Variants in SAP130 observed in about 807,000 individuals in gnomAD.
SAP130 encodes Sin3A associated protein 130.
In SAP130, 16 loss-of-function variants were observed where a neutral mutation model predicts 103.2. The ratio of observed to expected loss-of-function variants is 0.16; its 90% CI spans 0.10 to 0.24. SAP130 has a LOEUF of 0.24. Ranked by LOEUF, SAP130 falls within the 10% of genes least tolerant of loss-of-function variation. The pLI is 1.00. For synonymous variants in SAP130, 477 were observed against 497.0 expected (o/e 0.96, Z 0.53); for missense variants, 990 against 1,359.7 (o/e 0.73, Z 4.28).
intron 15 of SAP130, among the ~76,000 whole-genome samples, chr2:127,963,803 A>T (rs1337644457): frequency 1.3e-5 from 2 of 152,176 alleles, no homozygotes; most frequent in Admixed American, 1.3e-4. Flanking sequence ...GCCACCATCC[A>T]CGTAAGATGT....
At chr2:127,967,523 C>T (rs573192005) in intron 15 of SAP130, among the ~76,000 whole-genome samples, 6 of 152,258 alleles carry the variant, frequency 3.9e-5, no homozygotes, top group South Asian at 2.1e-4. Context: ...CTTAGCCTCC[C>T]GAGTAGCTGG....
chr2:128,021,655 C>T (rs1327611923), intron 2 of SAP130, among the ~76,000 whole-genome samples: 1 of 152,174 alleles, frequency 6.6e-6, no homozygotes, highest in African/African-American at 2.4e-5. Context: ...TCCTCAGCAA[C>T]ACCAAGGAGC....
At chr2:128,027,287 A>G in intron 1 of SAP130, 2 of 1,156,044 alleles carry the variant, frequency 1.7e-6, no homozygotes, top group Admixed American at 4.8e-5. Flanking sequence ...CTGTGCTCGC[A>G]GTCCTCTTCC....
chr2:127,972,015 G>C (rs1482912537), intron 15 of SAP130, among the ~76,000 whole-genome samples: 1 of 152,324 alleles, frequency 6.6e-6, no homozygotes, highest in East Asian at 1.9e-4. Context: ...GGGTGTGGGA[G>C]TGTGGGGGGT....
chr2:128,022,065 T>C (rs1201415181), intron 2 of SAP130, among the ~76,000 whole-genome samples: 1 of 152,234 alleles, frequency 6.6e-6, no homozygotes, highest in African/African-American at 2.4e-5. Context: ...TACAGATCAT[T>C]TCCTGTTACT....
intron 19 of SAP130, among the ~76,000 whole-genome samples, chr2:127,943,137 CAA>C (rs1678823840): frequency 1.3e-5 from 2 of 152,202 alleles, no homozygotes; most frequent in African/African-American, 4.8e-5. Flanking sequence ...TTCTGAAACA[CAA>C]GTCTCCAAGT....
At chr2:127,951,912 T>C (rs1353262668) in intron 16 of SAP130, among the ~76,000 whole-genome samples, 3 of 152,192 alleles carry the variant, frequency 2.0e-5, no homozygotes, top group Non-Finnish European at 4.4e-5. Context: ...AAAAGATAGA[T>C]GCAATCACAA....
At chr2:127,945,246 G>C (rs909844380) in intron 19 of SAP130, among the ~76,000 whole-genome samples, 1 of 152,168 alleles carries the variant, frequency 6.6e-6, no homozygotes, top group Non-Finnish European at 1.5e-5. Context: ...ATATATTTTG[G>C]ATCTGGATAC....
At position 127,983,312 on chromosome 2, in the gene SAP130, C is replaced by T. The variant is rs548982027; in HGVS notation, c.1958+3473G>A. Among the ~76,000 whole-genome samples the T allele has an allele frequency of 1.2e-4, 19 of 152,326 alleles. No individual in the cohort carries two copies. The South Asian group carries it at 3.5e-3, about 28-fold the overall frequency. ...TAATTTGAATTTTATAATGGATACTCGATCCAGTTACTGAGAAACTTTTTA... is the reference window on the plus strand; with the variant it reads ...TAATTTGAATTTTATAATGGATACTTGATCCAGTTACTGAGAAACTTTTTA... On this transcript the variant is annotated intron_variant, in intron 14 of 20. Coordinates refer to ENST00000643581, the MANE Select transcript of SAP130 (RefSeq NM_001330301.2).
chr2:127,945,412 C>T lies in SAP130; in HGVS notation c.2901+44G>A, dbSNP rs148539047. 3,578 of 1,174,536 alleles carry T rather than the reference C, an allele frequency of 3.0e-3. 8 individuals carry two copies. Among genetic ancestry groups the T allele is most frequent in the Non-Finnish European group, 4.2e-3 (3,297 of 780,888 alleles). 72.8% of individuals were successfully genotyped at this position (1,174,536 alleles called of 1,614,324 possible). A position where few individuals can be genotyped will look rare whatever the true frequency, so the allele number is the denominator to read the frequency against. On this transcript the variant is annotated intron_variant, in intron 19 of 20. Transcript: ENST00000643581. ...TGAACTCAGCTATCTGCAGTGTCTT[C>T]TCCTCTCTTCAGCATGATGAACAAC... is the stretch of plus-strand genomic sequence containing the variant.
At chr2:128,026,904 C>A (rs981920488) in intron 1 of SAP130, among the ~76,000 whole-genome samples, 1 of 152,190 alleles carries the variant, frequency 6.6e-6, no homozygotes, top group African/African-American at 2.4e-5. Context: ...AATCGCCCCC[C>A]ACTTTTCCCT....
Position 128,000,379 on chromosome 2 carries a change from GACA to G in SAP130, c.942_944del (p.Val315del). The stretch of plus-strand genomic sequence containing the variant: ...GAGATGGTAGTGTGATTCTTGTTGT[GACA>G]TCTCGTGACTGGGCAGGACGCTGAA... On this transcript the variant is annotated inframe_deletion, in exon 8 of 21. Coordinates refer to ENST00000643581, the MANE Select transcript of SAP130 (RefSeq NM_001330301.2). 6.2e-7 allele frequency: 1 copy of G among 1,614,154 alleles called. No individual in the cohort carries two copies. The highest frequency in any genetic ancestry group is 2.2e-5 in the East Asian group (1 of 44,876).
At chr2:127,978,813 T>C (rs571471727) in intron 14 of SAP130, among the ~76,000 whole-genome samples, 1 of 152,264 alleles carries the variant, frequency 6.6e-6, no homozygotes, top group African/African-American at 2.4e-5. Context: ...CACCAAACTA[T>C]GAAGTAGTCT....
At chr2:128,020,928 A>C (rs913480084) in intron 2 of SAP130, among the ~76,000 whole-genome samples, 1 of 152,154 alleles carries the variant, frequency 6.6e-6, no homozygotes, top group East Asian at 1.9e-4. Context: ...CCCAGGAGGC[A>C]GAGGTTGCAG....
At chr2:127,959,219 C>T (rs760617322) in intron 15 of SAP130, among the ~76,000 whole-genome samples, 24 of 151,934 alleles carry the variant, frequency 1.6e-4, no homozygotes, top group Non-Finnish European at 3.1e-4. Context: ...TTGTGTGTCC[C>T]GGACAGGGCG....
At position 127,942,549 on chromosome 2, in the gene SAP130, A is replaced by G; in HGVS notation, c.2902-12T>C. 1 of 1,474,544 alleles carries G rather than the reference A, an allele frequency of 6.8e-7. No individual in the cohort carries two copies. Among genetic ancestry groups the G allele is most frequent in the Non-Finnish European group, 9.5e-7 (1 of 1,053,226 alleles). The allele number at this position is 1,474,544 out of a possible 1,614,324, so 91.3% of individuals were successfully genotyped here. A position where few individuals can be genotyped will look rare whatever the true frequency, so the allele number is the denominator to read the frequency against. Reference sequence around the variant, plus strand: ...TGTTCTAGATTCGTCTGCAACACACAAAAGGGAGGGTATCATAAGCTCGGA... The same window carrying G: ...TGTTCTAGATTCGTCTGCAACACACGAAAGGGAGGGTATCATAAGCTCGGA... On this transcript the variant is annotated splice_polypyrimidine_tract_variant and intron_variant, in intron 19 of 20. Coordinates refer to ENST00000643581, the MANE Select transcript of SAP130 (RefSeq NM_001330301.2). The surrounding 1 kb of genome is among the most constrained non-coding windows in gnomAD (Gnocchi z 4.8).
At chr2:127,977,137 T>C (rs929719049) in intron 15 of SAP130, among the ~76,000 whole-genome samples, 4 of 152,094 alleles carry the variant, frequency 2.6e-5, no homozygotes, top group Non-Finnish European at 5.9e-5. Context: ...TATTTTTATA[T>C]AATCTAATTA....
At chr2:127,973,484 A>T (rs932720686) in intron 15 of SAP130, among the ~76,000 whole-genome samples, 17 of 152,022 alleles carry the variant, frequency 1.1e-4, no homozygotes, top group African/African-American at 4.1e-4. Flanking sequence ...CGCCCGCCTG[A>T]CTCCCAAAGT....
rs1678734926 is a variant in SAP130, at chr2:127,941,860, A to G, written c.*146T>C. 1.4e-6 allele frequency: 1 copy of G among 731,752 alleles called. No homozygotes were observed. The highest frequency in any genetic ancestry group is 2.6e-5 in the East Asian group (1 of 38,828). The allele number at this position is 731,752 out of a possible 1,614,324, so 45.3% of individuals were successfully genotyped here. On this transcript the variant is annotated 3_prime_UTR_variant, in exon 21 of 21. Transcript: ENST00000643581. ...AGCTCTGATCCTTTCACGCCCTTGG[A>G]TGTCATGGGTTCCTCTGCTTTCACA...
Sources: allele counts gnomAD v4.1 joint callset (sites outside exome capture counted in the v4.1 genomes callset), GRCh38; gene constraint gnomAD v4.1.1; non-coding constraint Gnocchi (gnomAD v3.1); transcripts MANE v1.5; gene names NCBI Gene and HGNC (gene_info 2026-07-23, HGNC 2026-07-21).